Variants in COQ3 observed in about 807,000 individuals in gnomAD.
The protein encoded by COQ3 is ubiquinone biosynthesis O-methyltransferase, mitochondrial.
COQ3 carries 29 observed loss-of-function variants against 33.1 expected under a neutral mutation model. The observed-to-expected ratio is 0.88, with a 90% confidence interval of 0.65 to 1.19. The LOEUF is 1.19. Ranked by LOEUF, COQ3 falls within the 50% of genes most tolerant of loss-of-function variation. COQ3 has a pLI of 0.00. For synonymous variants in COQ3, 173 were observed against 157.8 expected (o/e 1.10, Z -0.72); for missense variants, 437 against 430.7 (o/e 1.01, Z -0.13).
chr6:99,383,917 T>C (rs1396621774), intron 1 of COQ3, 93 bp from the exon 2 acceptor site: 1 of 1,057,082 alleles, frequency 9.5e-7, no homozygotes, highest in South Asian at 1.6e-5. Flanking sequence ...ATTTTATTAT[T>C]TATTTTATAG....
At chr6:99,369,976 C>T (rs545698338) in intron 6 of COQ3, among the ~76,000 whole-genome samples, 156 bp from the exon 7 acceptor site, 3 of 152,196 alleles carry the variant, frequency 2.0e-5, no homozygotes, top group South Asian at 2.1e-4. Context: ...AATGGGCAAG[C>T]GTATTTTGTA....
intron 1 of COQ3, among the ~76,000 whole-genome samples, chr6:99,385,140 A>G (rs1396850114): frequency 1.3e-5 from 2 of 152,224 alleles, no homozygotes; most frequent in African/African-American, 2.4e-5. Flanking sequence ...CAACAACAGA[A>G]TTTCAAAACA....
At chr6:99,391,542 G>C (rs181379053) in intron 1 of COQ3, among the ~76,000 whole-genome samples, 228 of 152,176 alleles carry the variant, frequency 1.5e-3, no homozygotes, top group Admixed American at 2.7e-3. Context: ...ATGATACATC[G>C]ATAACGACAT....
chr6:99,389,223 A>C (rs1373764082), intron 1 of COQ3, among the ~76,000 whole-genome samples: 1 of 152,110 alleles, frequency 6.6e-6, no homozygotes, highest in Non-Finnish European at 1.5e-5. Flanking sequence ...CCCAGTTTCA[A>C]GTGATTATCC....
rs538463026 is a variant in COQ3, at chr6:99,382,144, G to T, written c.233+1554C>A. 2.6e-5 allele frequency among the ~76,000 whole-genome samples: 4 copies of T among 152,260 alleles called. No individual in the cohort carries two copies. In the East Asian group the frequency reaches 7.7e-4, roughly 29 times the overall value. On this transcript the variant is annotated intron_variant, in intron 2 of 6. Coordinates refer to ENST00000254759, the MANE Select transcript of COQ3 (RefSeq NM_017421.4). The stretch of plus-strand genomic sequence containing the variant: ...CATTTTATTCTTAGTGACTAGTACA[G>T]TTCCTGGAACATGGTGCTCAGGAAG...
chr6:99,394,102 T>C lies in COQ3; in HGVS notation c.78A>G (p.Lys26=). The part of the protein sequence containing the change: ...RVLGPGGCNT[K]AARPLISSAV... ...CCGAGGAAATTAAGGGACGCGCAGC[T>C]TTTGTATTACAGCCTCCAGGCCCCA... Residue 26 remains lysine, a synonymous_variant, in exon 1 of 7, where the codon AAA becomes AAG. Coordinates refer to ENST00000254759, the MANE Select transcript of COQ3 (RefSeq NM_017421.4). 1 of 1,613,872 alleles carries C rather than the reference T, an allele frequency of 6.2e-7. No individual in the cohort carries two copies. The highest frequency in any genetic ancestry group is 8.5e-7 in the Non-Finnish European group (1 of 1,179,916).
chr6:99,390,044 G>A (rs1308889370), intron 1 of COQ3, among the ~76,000 whole-genome samples: 1 of 152,110 alleles, frequency 6.6e-6, no homozygotes, highest in African/African-American at 2.4e-5. Context: ...AACCCGGGAG[G>A]TGGAGATTGC....
At chr6:99,393,181 C>T (rs1774877500) in intron 1 of COQ3, among the ~76,000 whole-genome samples, 1 of 151,446 alleles carries the variant, frequency 6.6e-6, no homozygotes, top group African/African-American at 2.4e-5. Flanking sequence ...ACTATACATA[C>T]TGATTTGTAA....
intron 5 of COQ3, among the ~76,000 whole-genome samples, chr6:99,375,213 C>A (rs1193818151): frequency 6.6e-6 from 1 of 151,972 alleles, no homozygotes; most frequent in Non-Finnish European, 1.5e-5. Flanking sequence ...GGTGATCCAC[C>A]CGCCTCCGCC....
chr6:99,382,617 A>C (rs895647018), intron 2 of COQ3, among the ~76,000 whole-genome samples: 3 of 152,074 alleles, frequency 2.0e-5, no homozygotes, highest in African/African-American at 7.2e-5. Context: ...TATAAACCCA[A>C]ACTCAAAGGG....
Position 99,369,760 on chromosome 6 carries a change from T to A in COQ3, c.950A>T (p.His317Leu). ...MLYNPFSGYW[H>L]WSENTSLNYA... Reference sequence around the variant, plus strand: ...GTTAAGGCTGGTATTTTCACTCCAATGCCAGTAACCTGAGAAGGGGTTATA... The same window carrying A: ...GTTAAGGCTGGTATTTTCACTCCAAAGCCAGTAACCTGAGAAGGGGTTATA... The change falls in exon 7 of 7, where the codon CAT (histidine) becomes CTT (leucine). Residue 317 changes from histidine (H) to leucine (L), a missense_variant. His to Leu is a moderately conservative substitution (Grantham distance 99, BLOSUM62 -3). Coordinates refer to ENST00000254759, the MANE Select transcript of COQ3 (RefSeq NM_017421.4). The A allele has an allele frequency of 6.2e-7, 1 of 1,613,420 alleles. No individual in the cohort carries two copies. Among genetic ancestry groups the A allele is most frequent in the Non-Finnish European group, 8.5e-7 (1 of 1,179,754 alleles).
chr6:99,380,897 A>C (rs1774455563), intron 2 of COQ3, among the ~76,000 whole-genome samples: 1 of 151,502 alleles, frequency 6.6e-6, no homozygotes, highest in Non-Finnish European at 1.5e-5. Context: ...ACAGAGTGAG[A>C]CTCTGTCTCA....
In COQ3 at chr6:99,375,929, A is replaced by G. The variant is rs1774268012; in HGVS notation, c.729+11T>C. ...AAGAAGAAACCAAGATGTAAACTCC[A>G]TAAGCCTTACTTTTAACACTTGACA... On this transcript the variant is annotated intron_variant, in intron 5 of 6. Coordinates refer to ENST00000254759, the MANE Select transcript of COQ3 (RefSeq NM_017421.4). The G allele has an allele frequency of 1.9e-6, 3 of 1,613,704 alleles. No individual in the cohort carries two copies. Among genetic ancestry groups the G allele is most frequent in the African/African-American group, 2.7e-5 (2 of 75,062 alleles).
chr6:99,388,891 G>GCACA lies in COQ3; in HGVS notation c.107-5071_107-5068dup, dbSNP rs59478225. Among the ~76,000 whole-genome samples the GCACA allele has an allele frequency of 1.7e-3, 177 of 106,312 alleles. 2 individuals carry two copies. Among genetic ancestry groups the GCACA allele is most frequent in the South Asian group, 4.2e-3 (13 of 3,076 alleles). The allele number at this position is 106,312 out of a possible 152,430, so 69.7% of individuals were successfully genotyped here. On this transcript the variant is annotated intron_variant, in intron 1 of 6. Transcript: ENST00000254759. ...ATAAATAAAACACTAATGTATACAC[G>GCACA]CACACACACACACACACACACACAC...
chr6:99,375,660 C>T (rs574546911), intron 5 of COQ3, among the ~76,000 whole-genome samples: 1 of 152,300 alleles, frequency 6.6e-6, no homozygotes, highest in African/African-American at 2.4e-5. Flanking sequence ...GCTGGGATTA[C>T]AGGCATAAGC....
At chr6:99,377,891 T>C (rs1336595251) in intron 3 of COQ3, among the ~76,000 whole-genome samples, 1 of 151,848 alleles carries the variant, frequency 6.6e-6, no homozygotes, top group Non-Finnish European at 1.5e-5. Context: ...ATGGGAGACC[T>C]ATATTTTCAG....
intron 1 of COQ3, among the ~76,000 whole-genome samples, chr6:99,389,208 T>C (rs9399153): frequency 0.51 from 77,604 of 151,956 alleles, 20,265 homozygotes; most frequent in East Asian, 0.79. Context: ...CTGCAATCTC[T>C]GCCTCCCAGT....
At chr6:99,379,524 G>A (rs1011757475) in intron 3 of COQ3, among the ~76,000 whole-genome samples, 2 of 152,188 alleles carry the variant, frequency 1.3e-5, no homozygotes, top group African/African-American at 4.8e-5. Context: ...TACCAGAACT[G>A]CCTAAGTCAA....
At chr6:99,373,486 T>G (rs1381291189) in intron 5 of COQ3, among the ~76,000 whole-genome samples, 5 of 151,814 alleles carry the variant, frequency 3.3e-5, no homozygotes, top group Non-Finnish European at 5.9e-5. Flanking sequence ...TACATACTCG[T>G]ACTTTAAGGA....
Sources: allele counts gnomAD v4.1 joint callset (sites outside exome capture counted in the v4.1 genomes callset), GRCh38; gene constraint gnomAD v4.1.1; transcripts MANE v1.5; gene names NCBI Gene and HGNC (gene_info 2026-07-23, HGNC 2026-07-21).